The following ZNF492 variants were observed in gnomAD, a reference collection of about 807,000 sequenced individuals.
The protein encoded by ZNF492 is zinc finger protein 115 (Y20).
Under a neutral mutation model 6.4 loss-of-function variants are expected in ZNF492, and 3 were observed. The ratio of observed to expected loss-of-function variants is 0.47; its 90% CI spans 0.21 to 1.22. The LOEUF is 1.22. Ranked by LOEUF, ZNF492 falls within the 50% of genes most tolerant of loss-of-function variation. The pLI, the probability that ZNF492 is intolerant of heterozygous loss-of-function variation, is 0.22. For synonymous variants in ZNF492, 112 were observed against 205.3 expected, an observed-to-expected ratio of 0.55 and a Z score of 3.89; for missense variants, 356 against 612.5, an observed-to-expected ratio of 0.58 and a Z score of 4.42.
At chr19:22,643,855 C>G (rs558990834) in intron 1 of ZNF492, among the ~76,000 whole-genome samples, 1 of 152,260 alleles carries the variant, frequency 6.6e-6, no homozygotes, top group African/African-American at 2.4e-5. Flanking sequence ...TAAGTTTCAC[C>G]TGTGCACTAA....
At chr19:22,657,808 A>G (rs535080314) in intron 3 of ZNF492, among the ~76,000 whole-genome samples, 8 of 152,252 alleles carry the variant, frequency 5.3e-5, no homozygotes, top group African/African-American at 1.9e-4. Context: ...CCTTATCTCT[A>G]TTACAATCTG....
At chr19:22,657,949 G>C (rs901124938) in intron 3 of ZNF492, among the ~76,000 whole-genome samples, 3 of 152,038 alleles carry the variant, frequency 2.0e-5, no homozygotes, top group African/African-American at 7.3e-5. Flanking sequence ...CATGGAAATA[G>C]TCTTATTTTC....
intron 1 of ZNF492, among the ~76,000 whole-genome samples, chr19:22,643,287 A>G (rs544609031): frequency 1.3e-5 from 2 of 152,250 alleles, no homozygotes; most frequent in Admixed American, 1.3e-4. Flanking sequence ...AAAAATAAAA[A>G]TAAAAAAAAT....
chr19:22,636,310 G>T (rs1156502595), intron 1 of ZNF492, among the ~76,000 whole-genome samples: 1 of 152,004 alleles, frequency 6.6e-6, no homozygotes, highest in Non-Finnish European at 1.5e-5. Context: ...TGTTGGTCAG[G>T]CTGGTCTTGA....
chr19:22,663,548 C>A (rs62118830), intron 3 of ZNF492, among the ~76,000 whole-genome samples: 29,411 of 152,054 alleles, frequency 0.19, 3,697 homozygotes, highest in African/African-American at 0.36. Context: ...GTAAATGTAA[C>A]AGACTTTTCT....
At chr19:22,635,956 T>C (rs1426677142) in intron 1 of ZNF492, among the ~76,000 whole-genome samples, 2 of 152,186 alleles carry the variant, frequency 1.3e-5, no homozygotes, top group Non-Finnish European at 2.9e-5. Context: ...TGCAGATTAT[T>C]TTGTCACTGA....
intron 1 of ZNF492, among the ~76,000 whole-genome samples, chr19:22,638,086 A>T (rs143507602): frequency 2.0e-4 from 31 of 151,994 alleles, no homozygotes; most frequent in African/African-American, 7.5e-4. Context: ...AACTTGTTTA[A>T]GTTTCTTATA....
intron 3 of ZNF492, among the ~76,000 whole-genome samples, chr19:22,663,176 A>G (rs1271168795): frequency 2.0e-5 from 3 of 151,890 alleles, no homozygotes; most frequent in African/African-American, 7.3e-5. Context: ...TCCCAGTACC[A>G]TTTATTAAAT....
chr19:22,652,831 A>G (rs1971955419), intron 1 of ZNF492, among the ~76,000 whole-genome samples: 1 of 152,118 alleles, frequency 6.6e-6, no homozygotes, highest in Admixed American at 6.5e-5. Flanking sequence ...CACCCGCCTT[A>G]GCCTCCCAAA....
intron 1 of ZNF492, among the ~76,000 whole-genome samples, chr19:22,649,746 TG>T (rs1351022493): frequency 6.6e-6 from 1 of 152,238 alleles, no homozygotes; most frequent in East Asian, 1.9e-4. Flanking sequence ...TTGATACTTG[TG>T]TATGCTTCAT....
chr19:22,634,812 G>A (rs1330322921), intron 1 of ZNF492, among the ~76,000 whole-genome samples: 1 of 152,168 alleles, frequency 6.6e-6, no homozygotes, highest in Admixed American at 6.5e-5. Context: ...CGGGGTGCGG[G>A]TTCACGAATG....
rs4100183 is a variant in ZNF492, at chr19:22,664,675, C to A, written c.1006C>A (p.Pro336Thr). The A allele has an allele frequency of 0.014, 22,383 of 1,608,372 alleles. 1,753 individuals are homozygous for A. In the African/African-American group the frequency reaches 0.25, roughly 18 times the overall value. ...TAAGAGAATTCATTCTGGAGAGAAACCCTACAAGTGTGAAGAATGTGGCAA... is the reference window on the plus strand; with the variant it reads ...TAAGAGAATTCATTCTGGAGAGAAAACCTACAAGTGTGAAGAATGTGGCAA... ...THKRIHSGEK[P>T]YKCEECGKAF... Residue 336 changes from proline (P) to threonine (T), a missense_variant, in exon 4 of 4, where the codon CCC becomes ACC. Physicochemically the swap from Pro to Thr is conservative, Grantham distance 38. Transcript: ENST00000456783.
At chr19:22,660,928 T>C (rs184621542) in intron 3 of ZNF492, among the ~76,000 whole-genome samples, 18,189 of 149,584 alleles carry the variant, frequency 0.12, 1,244 homozygotes, top group Middle Eastern at 0.19. Flanking sequence ...TTTTTTTTTT[T>C]CCCCTCAGGA....
rs763514609 is a variant in ZNF492, at chr19:22,653,958, G to A, written c.73G>A (p.Glu25Lys). ...TAAGCCAGACCTGATCACCTGTCTG[G>A]AGCAAGGAAAAGAACCTTGGAATGT... ...ASKPDLITCL[E>K]QGKEPWNVKR... Residue 25 changes from glutamate to lysine, a missense_variant, in exon 3 of 4, where the codon GAG becomes AAG. Physicochemically the swap from Glu to Lys is moderately conservative, Grantham distance 56 (BLOSUM62 1). This residue lies in a region of ZNF492 where 196 missense variants were observed against 219.4 expected (regional missense o/e 0.89). Coordinates refer to ENST00000456783, the MANE Select transcript of ZNF492 (RefSeq NM_020855.3). 7.5e-6 allele frequency: 12 copies of A among 1,596,378 alleles called. No homozygotes were observed. In the African/African-American group the frequency reaches 9.5e-5, roughly 13 times the overall value.
chr19:22,644,210 A>G (rs956316995), intron 1 of ZNF492, among the ~76,000 whole-genome samples: 1 of 152,260 alleles, frequency 6.6e-6, no homozygotes, highest in Non-Finnish European at 1.5e-5. Flanking sequence ...AGAAGGAGAA[A>G]GAGAAAAAAT....
chr19:22,634,466 C>A lies in ZNF492; in HGVS notation c.-102C>A. 1 of 1,382,700 alleles carries A rather than the reference C, an allele frequency of 7.2e-7. No individual in the cohort carries two copies. The highest frequency in any genetic ancestry group is 1.0e-6 in the Non-Finnish European group (1 of 990,230). 85.7% of individuals were successfully genotyped at this position (1,382,700 alleles called of 1,614,324 possible). On this transcript the variant is annotated 5_prime_UTR_variant, in exon 1 of 4. Transcript: ENST00000456783. ...TAAGACGCTAGGACCCCCTGGAAGCCTAGAAACGGTGAGAGTGCCGGGTCC... is the reference window on the plus strand; with the variant it reads ...TAAGACGCTAGGACCCCCTGGAAGCATAGAAACGGTGAGAGTGCCGGGTCC...
At position 22,653,917 on chromosome 19, in the gene ZNF492, C is replaced by T. The variant is rs1339817478; in HGVS notation, c.35-3C>T. 1.3e-6 allele frequency: 2 copies of T among 1,577,958 alleles called. No homozygotes were observed. The highest frequency in any genetic ancestry group is 4.1e-5 in the Admixed American group (2 of 48,876). ...AAGATTCATGTTATTTGTAATAAAA[C>T]AGGTATTGCTGCCTCTAAGCCAGAC... On this transcript the variant is annotated splice_region_variant and splice_polypyrimidine_tract_variant and intron_variant, in intron 2 of 3. Coordinates refer to ENST00000456783, the MANE Select transcript of ZNF492 (RefSeq NM_020855.3).
rs1355372608 is a variant in ZNF492, at chr19:22,665,370, G to A, written c.*105G>A. On this transcript the variant is annotated 3_prime_UTR_variant, in exon 4 of 4. Coordinates refer to ENST00000456783, the MANE Select transcript of ZNF492 (RefSeq NM_020855.3). ...TCTACAAGTGTGAATGAACAGTGTGGCAAAACTTACACAATGCTCAAACCT... is the reference window on the plus strand; with the variant it reads ...TCTACAAGTGTGAATGAACAGTGTGACAAAACTTACACAATGCTCAAACCT... 2.7e-6 allele frequency: 4 copies of A among 1,485,598 alleles called. No homozygotes were observed. The highest frequency in any genetic ancestry group is 3.6e-6 in the Non-Finnish European group (4 of 1,119,152). 92.0% of individuals were successfully genotyped at this position (1,485,598 alleles called of 1,614,324 possible).
intron 3 of ZNF492, among the ~76,000 whole-genome samples, chr19:22,654,767 A>G (rs1224291905): frequency 6.6e-6 from 1 of 150,396 alleles, no homozygotes; most frequent in Non-Finnish European, 1.5e-5. Context: ...ATGCCTGACT[A>G]ATTTTTGTAT....
Sources: allele counts gnomAD v4.1 joint callset (sites outside exome capture counted in the v4.1 genomes callset), GRCh38; gene constraint gnomAD v4.1.1; regional missense constraint gnomAD v4.1.1; transcripts MANE v1.5; gene names NCBI Gene and HGNC (gene_info 2026-07-23, HGNC 2026-07-21).